Variants in TSPAN15 observed in about 807,000 individuals in gnomAD.
TSPAN15 encodes tetraspanin 15, also known as tetraspanin-15.
A neutral mutation model predicts 34.5 loss-of-function variants in TSPAN15; 20 were observed. That is an observed-to-expected ratio of 0.58 (90% CI 0.41 to 0.84). The LOEUF (loss-of-function observed/expected upper bound fraction) is 0.84. Among genes scored for constraint, TSPAN15 ranks in the 40% least tolerant of loss-of-function variants. The pLI is 0.00. For synonymous variants in TSPAN15, 155 were observed against 153.9 expected (o/e 1.01, Z -0.05); for missense variants, 313 against 386.1 (o/e 0.81, Z 1.59).
the TSPAN15 span, among the ~76,000 whole-genome samples, chr10:69,538,884 G>A: frequency 1.3e-5 from 2 of 152,198 alleles, no homozygotes; most frequent in African/African-American, 4.8e-5. Context: ...ATGAAGAAAA[G>A]GGAAGCCATT....
chr10:69,466,513 G>A (rs977290380), intron 1 of TSPAN15, among the ~76,000 whole-genome samples: 3 of 152,254 alleles, frequency 2.0e-5, no homozygotes, highest in East Asian at 1.9e-4. Flanking sequence ...ACTTGTGATT[G>A]TGTAGATCTT....
chr10:69,533,318 A>T, the TSPAN15 span, among the ~76,000 whole-genome samples: 2 of 151,956 alleles, frequency 1.3e-5, no homozygotes, highest in East Asian at 1.9e-4. Context: ...TATATATATA[A>T]AACGGAATAC....
chr10:69,548,562 C>T, the TSPAN15 span, among the ~76,000 whole-genome samples: 1 of 152,286 alleles, frequency 6.6e-6, no homozygotes, highest in Non-Finnish European at 1.5e-5. Context: ...CTGGAGATTT[C>T]TGGTCTGTGA....
chr10:69,498,177 C>G, intron 4 of TSPAN15, 103 bp from the exon 5 acceptor site: 1 of 991,230 alleles, frequency 1.0e-6, no homozygotes. Context: ...CCAGGGTGAC[C>G]CACATAATAA....
chr10:69,467,250 G>A (rs1841403918), intron 1 of TSPAN15, among the ~76,000 whole-genome samples: 5 of 152,136 alleles, frequency 3.3e-5, no homozygotes, highest in African/African-American at 1.2e-4. Context: ...TGTGTAATAG[G>A]TAGGTTCCCA....
chr10:69,458,549 G>A (rs1841166260), intron 1 of TSPAN15, among the ~76,000 whole-genome samples: 1 of 152,174 alleles, frequency 6.6e-6, no homozygotes, highest in Non-Finnish European at 1.5e-5. Context: ...AACTCAAATA[G>A]TGAAGCTGAA....
downstream of TSPAN15, among the ~76,000 whole-genome samples, chr10:69,511,460 TTTCTC>T (rs563298184): frequency 8.9e-3 from 1,350 of 152,262 alleles, 16 homozygotes; most frequent in African/African-American, 0.031. Flanking sequence ...ATTTGATTCT[TTTCTC>T]TTTTCTTCTT....
At chr10:69,459,467 C>G (rs2133062812) in intron 1 of TSPAN15, among the ~76,000 whole-genome samples, 1 of 152,152 alleles carries the variant, frequency 6.6e-6, no homozygotes, top group South Asian at 2.1e-4. Flanking sequence ...TCAGGGAAAG[C>G]CTTTATGAGG....
At chr10:69,547,542 A>T in the TSPAN15 span, among the ~76,000 whole-genome samples, 1 of 152,182 alleles carries the variant, frequency 6.6e-6, no homozygotes. Context: ...TATTTTTCCC[A>T]CATATCAGTG....
At chr10:69,522,841 T>C in the TSPAN15 span, among the ~76,000 whole-genome samples, 1 of 147,962 alleles carries the variant, frequency 6.8e-6, no homozygotes, top group Non-Finnish European at 1.5e-5. Context: ...AGATATATGA[T>C]TGGCAAATAT....
At chr10:69,497,458 G>A (rs148064902) in intron 4 of TSPAN15, among the ~76,000 whole-genome samples, 1,972 of 152,250 alleles carry the variant, frequency 0.013, 53 homozygotes, top group African/African-American at 0.045. Flanking sequence ...TGCATGGGTC[G>A]TCTGGCTTCT....
chr10:69,473,580 T>C (rs746510285), intron 1 of TSPAN15, among the ~76,000 whole-genome samples: 12 of 152,136 alleles, frequency 7.9e-5, no homozygotes, highest in Non-Finnish European at 1.8e-4. Flanking sequence ...GGAATTTCCA[T>C]GGACTCCCGG....
chr10:69,474,446 A>G (rs752508504), intron 1 of TSPAN15, among the ~76,000 whole-genome samples: 31 of 152,158 alleles, frequency 2.0e-4, no homozygotes, highest in Admixed American at 1.9e-3. Context: ...AGGCTGTTGT[A>G]TAGGACAAAG....
intron 1 of TSPAN15, among the ~76,000 whole-genome samples, chr10:69,467,417 G>A (rs1841407900): frequency 6.6e-6 from 1 of 152,206 alleles, no homozygotes; most frequent in Non-Finnish European, 1.5e-5. Flanking sequence ...CTGGTCTGAA[G>A]CTTTAGGCAA....
the TSPAN15 span, among the ~76,000 whole-genome samples, chr10:69,546,043 A>G: frequency 4.6e-5 from 7 of 152,192 alleles, no homozygotes; most frequent in South Asian, 1.5e-3. Context: ...TGGGTGGCCG[A>G]GTTTACCTTG....
At chr10:69,508,836 G>A (rs1460960047), downstream of TSPAN15, among the ~76,000 whole-genome samples, 1 of 152,190 alleles carries the variant, frequency 6.6e-6, no homozygotes, top group African/African-American at 2.4e-5. Context: ...GAGCCACTCA[G>A]CCCCTCTGCT....
intron 1 of TSPAN15, among the ~76,000 whole-genome samples, chr10:69,469,250 C>T (rs1029503802): frequency 3.9e-5 from 6 of 152,196 alleles, no homozygotes; most frequent in Non-Finnish European, 5.9e-5. Flanking sequence ...GGAGCTCCCT[C>T]CCCACCTTGC....
the TSPAN15 span, among the ~76,000 whole-genome samples, chr10:69,514,383 G>A: frequency 6.6e-6 from 1 of 152,174 alleles, no homozygotes; most frequent in East Asian, 1.9e-4. Flanking sequence ...AATTAGCTGG[G>A]AACTGTTCCT....
chr10:69,533,024 C>T, the TSPAN15 span, among the ~76,000 whole-genome samples: 1 of 152,180 alleles, frequency 6.6e-6, no homozygotes, highest in Admixed American at 6.5e-5. Flanking sequence ...AATCAAAAAA[C>T]AGTAGATGCT....
Sources: allele counts gnomAD v4.1 joint callset (sites outside exome capture counted in the v4.1 genomes callset), GRCh38; gene constraint gnomAD v4.1.1; transcripts MANE v1.5; gene names NCBI Gene and HGNC (gene_info 2026-07-23, HGNC 2026-07-21).